The following ADGRB3 variants were observed in gnomAD, a reference collection of about 807,000 sequenced individuals.
ADGRB3 encodes adhesion G protein-coupled receptor B3.
A neutral mutation model predicts 193.4 loss-of-function variants in ADGRB3; 37 were observed. The observed-to-expected ratio is 0.19, with a 90% CI of 0.15 to 0.25. The LOEUF is 0.25. Among genes scored for constraint, ADGRB3 ranks in the 10% least tolerant of loss-of-function variants. ADGRB3 has a pLI of 1.00. For missense variants in ADGRB3, 1,637 were observed against 1,852.9 expected, an observed-to-expected ratio of 0.88 and a Z score of 2.14; for synonymous variants, 690 against 644.2, an observed-to-expected ratio of 1.07 and a Z score of -1.08.
chr6:69,364,256 G>T (rs1049278322), intron 29 of ADGRB3, among the ~76,000 whole-genome samples: 1 of 152,030 alleles, frequency 6.6e-6, no homozygotes, highest in Admixed American at 6.6e-5. Flanking sequence ...AACACTGCCA[G>T]TTGTAGAATA....
At chr6:68,763,898 C>T (rs1461956701) in intron 3 of ADGRB3, among the ~76,000 whole-genome samples, 1 of 152,060 alleles carries the variant, frequency 6.6e-6, no homozygotes, top group Non-Finnish European at 1.5e-5. Context: ...CATGGTGAAA[C>T]ACTGCCTCTA....
intron 3 of ADGRB3, among the ~76,000 whole-genome samples, chr6:68,889,059 A>G (rs1765997099): frequency 6.6e-6 from 1 of 152,222 alleles, no homozygotes; most frequent in African/African-American, 2.4e-5. Flanking sequence ...CTTAAAGACA[A>G]AGGCTGTAAG....
At chr6:68,995,207 A>G (rs1034394308) in intron 11 of ADGRB3, among the ~76,000 whole-genome samples, 1 of 152,234 alleles carries the variant, frequency 6.6e-6, no homozygotes, top group Non-Finnish European at 1.5e-5. Context: ...TAAGTTTTAA[A>G]TGTTAATAAA....
chr6:69,310,280 A>G (rs1380728603), intron 20 of ADGRB3, among the ~76,000 whole-genome samples: 2 of 151,746 alleles, frequency 1.3e-5, no homozygotes, highest in Non-Finnish European at 2.9e-5. Flanking sequence ...ACTGAAGCCA[A>G]AGGAGCTTAA....
intron 20 of ADGRB3, among the ~76,000 whole-genome samples, chr6:69,281,310 T>A (rs1353054464): frequency 1.3e-5 from 2 of 152,194 alleles, no homozygotes; most frequent in African/African-American, 4.8e-5. Context: ...TGAGCCTATC[T>A]TCAGACACAA....
Position 68,638,683 on chromosome 6 carries a change from C to T in ADGRB3, c.8C>T (p.Ala3Val). 2 of 1,612,144 alleles carry T rather than the reference C, an allele frequency of 1.2e-6. No homozygotes were observed. Among genetic ancestry groups the T allele is most frequent in the Non-Finnish European group, 1.7e-6 (2 of 1,178,942 alleles). MK[A>V]VRNLLIYIFS... ...CAGGCCAAATGACATAGGATGAAGG[C>T]TGTTCGTAACCTGCTGATTTATATA... The change falls in exon 3 of 32, where the codon GCT becomes GTT. Residue 3 changes from alanine (A) to valine (V), a missense_variant. Around this residue, in one of 7 missense-constraint regions of ADGRB3, gnomAD observed 365 missense variants for 409.8 expected, o/e 0.89. Coordinates refer to ENST00000370598, the MANE Select transcript of ADGRB3 (RefSeq NM_001704.3).
intron 13 of ADGRB3, among the ~76,000 whole-genome samples, chr6:69,033,012 A>C (rs1022627551): frequency 6.6e-6 from 1 of 151,962 alleles, no homozygotes; most frequent in African/African-American, 2.4e-5. Flanking sequence ...GCCACAGTCC[A>C]CTCCTCTAGG....
At chr6:69,048,476 A>G (rs1771302075) in intron 14 of ADGRB3, 142 bp downstream of exon 14, 1 of 905,656 alleles carries the variant, frequency 1.1e-6, no homozygotes, top group African/African-American at 1.7e-5. Context: ...CTAAATATGG[A>G]CAACTTATTC....
At chr6:68,891,136 T>C (rs1470404781) in intron 3 of ADGRB3, among the ~76,000 whole-genome samples, 1 of 152,100 alleles carries the variant, frequency 6.6e-6, no homozygotes, top group Non-Finnish European at 1.5e-5. Context: ...AGAGAATTTG[T>C]GCAGGGAAAC....
intron 3 of ADGRB3, among the ~76,000 whole-genome samples, chr6:68,704,908 G>A (rs549788590): frequency 2.3e-4 from 35 of 152,022 alleles, no homozygotes; most frequent in Non-Finnish European, 3.2e-4. Context: ...TTTTAATTAC[G>A]CTTTAAACAT....
chr6:69,196,415 C>T (rs760654660), intron 17 of ADGRB3, among the ~76,000 whole-genome samples: 7 of 152,042 alleles, frequency 4.6e-5, no homozygotes, highest in African/African-American at 7.2e-5. Flanking sequence ...TTCACACTTC[C>T]GCAGGCTGTG....
At chr6:69,168,860 G>A (rs1281190179) in intron 17 of ADGRB3, among the ~76,000 whole-genome samples, 15 of 152,014 alleles carry the variant, frequency 9.9e-5, no homozygotes, top group Admixed American at 9.8e-4. Context: ...AAGAATTGAT[G>A]TATAGTTACA....
chr6:69,226,278 C>G (rs57513072), intron 17 of ADGRB3, among the ~76,000 whole-genome samples: 228 of 152,232 alleles, frequency 1.5e-3, no homozygotes, highest in African/African-American at 5.1e-3. Flanking sequence ...GCACCTGCAT[C>G]ATATTTAATG....
intron 13 of ADGRB3, among the ~76,000 whole-genome samples, chr6:69,029,317 C>T (rs1222257026): frequency 6.6e-6 from 1 of 152,150 alleles, no homozygotes; most frequent in African/African-American, 2.4e-5. Context: ...ACAAGTTATG[C>T]TTTCATAAAT....
chr6:68,838,291 C>T (rs780021916), intron 3 of ADGRB3, among the ~76,000 whole-genome samples: 3 of 152,182 alleles, frequency 2.0e-5, no homozygotes, highest in Non-Finnish European at 2.9e-5. Flanking sequence ...ACTAGATGAG[C>T]TTACTGTGAC....
At chr6:68,726,759 A>T (rs888869214) in intron 3 of ADGRB3, among the ~76,000 whole-genome samples, 2 of 151,540 alleles carry the variant, frequency 1.3e-5, no homozygotes, top group African/African-American at 2.4e-5. Context: ...GCTGTATTTT[A>T]TGTTTGTTAA....
At chr6:69,097,442 TA>T in intron 17 of ADGRB3, among the ~76,000 whole-genome samples, 1 of 152,048 alleles carries the variant, frequency 6.6e-6, no homozygotes, top group Non-Finnish European at 1.5e-5. Context: ...CTGGTATCAT[TA>T]AATAAGAAGG....
chr6:69,255,343 A>G (rs1402316854), intron 20 of ADGRB3, among the ~76,000 whole-genome samples: 1 of 151,974 alleles, frequency 6.6e-6, no homozygotes, highest in Non-Finnish European at 1.5e-5. Context: ...AAGTGTTCCT[A>G]TTTCTCCACA....
At chr6:69,080,027 C>T (rs189385529) in intron 17 of ADGRB3, among the ~76,000 whole-genome samples, 5 of 152,158 alleles carry the variant, frequency 3.3e-5, no homozygotes, top group East Asian at 3.9e-4. Context: ...CTTGTTTTCT[C>T]TCAAAGTTAA....
Sources: allele counts gnomAD v4.1 joint callset (sites outside exome capture counted in the v4.1 genomes callset), GRCh38; gene constraint gnomAD v4.1.1; regional missense constraint gnomAD v4.1.1; transcripts MANE v1.5; gene names NCBI Gene and HGNC (gene_info 2026-07-23, HGNC 2026-07-21).